The following CNNM3 variants were observed in gnomAD, a reference collection of about 807,000 sequenced individuals.
The protein encoded by CNNM3 is metal transporter CNNM3.
CNNM3 carries 47 observed loss-of-function variants against 57.1 expected under a neutral mutation model. The ratio of observed to expected loss-of-function variants is 0.82; its 90% CI spans 0.65 to 1.05. CNNM3 has a LOEUF of 1.05. Ranked by LOEUF, CNNM3 falls within the 50% of genes least tolerant of loss-of-function variation. The pLI, the probability that CNNM3 is intolerant of heterozygous loss-of-function variation, is 0.00. For missense variants in CNNM3, 957 were observed against 973.7 expected (o/e 0.98, Z 0.23); for synonymous variants, 507 against 478.2 (o/e 1.06, Z -0.79).
At chr2:96,836,842 AAG>A (rs1189911688), downstream of CNNM3, 1 of 152,180 alleles carries the variant, frequency 6.6e-6, no homozygotes, top group African/African-American at 2.4e-5. Flanking sequence ...TTTTTCCTAA[AAG>A]AAGTTTTATA....
intron 2 of CNNM3, among the ~76,000 whole-genome samples, chr2:96,825,999 TGC>T (rs1438893184): frequency 2.0e-5 from 3 of 148,296 alleles, no homozygotes; most frequent in African/African-American, 7.9e-5. Context: ...ACAGAGTCTG[TGC>T]GTCATGGCCG....
chr2:96,830,495 T>C (rs1319856157), intron 7 of CNNM3, among the ~76,000 whole-genome samples: 1 of 152,204 alleles, frequency 6.6e-6, no homozygotes, highest in Non-Finnish European at 1.5e-5. Context: ...AACATGTTTT[T>C]CTAATAGTCC....
At position 96,816,321 on chromosome 2, in the gene CNNM3, T is replaced by C; in HGVS notation, c.44T>C (p.Phe15Ser). 3 of 1,287,938 alleles carry C rather than the reference T, an allele frequency of 2.3e-6. No individual in the cohort carries two copies. The allele number at this position is 1,287,938 out of a possible 1,614,324, so 79.8% of individuals were successfully genotyped here. The change falls in exon 1 of 8, where the codon TTC becomes TCC. Residue 15 changes from phenylalanine (F) to serine (S), a missense_variant. Physicochemically the swap from Phe to Ser is radical, Grantham distance 155. This residue lies in a region of CNNM3 where 466 missense variants were observed against 403.1 expected (regional missense o/e 1.16). Transcript: ENST00000305510. ...VAAAGRLGWL[F>S]AALCLGNAAG... is the part of the protein sequence containing the mutation. Reference sequence around the variant, plus strand: ...GCGGCGGGTCGGTTAGGCTGGTTGTTCGCCGCGCTCTGCCTGGGCAACGCC... The same window carrying C: ...GCGGCGGGTCGGTTAGGCTGGTTGTCCGCCGCGCTCTGCCTGGGCAACGCC...
Position 96,833,985 on chromosome 2 carries a change from T to C in CNNM3, c.*1369T>C, listed in dbSNP as rs780278635. The C allele has an allele frequency of 2.6e-5, 4 of 151,974 alleles. No homozygotes were observed. The highest frequency in any genetic ancestry group is 6.5e-5 in the Admixed American group (1 of 15,270). The allele number at this position is 151,974 out of a possible 1,614,324, so 9.4% of individuals were successfully genotyped here. On this transcript the variant is annotated 3_prime_UTR_variant, in exon 8 of 8. Transcript: ENST00000305510. ...CAGGCTGGAGTGCAGTGGTGAGATC[T>C]TGGCTCACTGCAACCTCCACCTCCC...
Position 96,817,231 on chromosome 2 carries a change from C to T in CNNM3, c.954C>T (p.Leu318=). ...GCTGCCGGACCGTGGAGGACGTGCT[C>T]ACGCCCCTCGAAGACTGCTTCATGC... ...VLRCRTVEDV[L]TPLEDCFMLD... is the part of the protein sequence containing the mutation. Residue 318 remains leucine (L), a synonymous_variant, in exon 1 of 8, where the codon CTC becomes CTT. Coordinates refer to ENST00000305510, the MANE Select transcript of CNNM3 (RefSeq NM_017623.5). 2 of 1,604,930 alleles carry T rather than the reference C, an allele frequency of 1.2e-6. No homozygotes were observed. The highest frequency in any genetic ancestry group is 1.7e-6 in the Non-Finnish European group (2 of 1,177,542).
intron 7 of CNNM3, 38 bp downstream of exon 7, chr2:96,829,172 C>T (rs1187529641): frequency 6.2e-7 from 1 of 1,601,322 alleles, no homozygotes; most frequent in South Asian, 1.1e-5. Context: ...GGTGTCTGGA[C>T]CTGAGGGCCG....
chr2:96,834,332 TA>T lies in CNNM3; in HGVS notation c.*1717del, dbSNP rs1559017738. ...CAGAGTTTTCAATTTTTTATTTATT[TA>T]TTATTATTATTATTATTATTATTAT... On this transcript the variant is annotated 3_prime_UTR_variant, in exon 8 of 8. Transcript: ENST00000305510. Among the ~76,000 whole-genome samples the T allele has an allele frequency of 1.4e-4, 18 of 124,278 alleles. No homozygotes were observed. The highest frequency in any genetic ancestry group is 8.8e-4 in the African/African-American group (17 of 19,302). The allele number at this position is 124,278 out of a possible 152,430, so 81.5% of individuals were successfully genotyped here.
At chr2:96,828,268 C>T in intron 5 of CNNM3, 73 bp downstream of exon 5, 3 of 1,223,684 alleles carry the variant, frequency 2.5e-6, no homozygotes, top group Admixed American at 1.9e-5. Context: ...ATCACTTGGG[C>T]TCTCAGTGCC....
rs2079664344 is a variant in CNNM3 at position 96,834,806 on chromosome 2, C to T, written c.*2190C>T. On this transcript the variant is annotated 3_prime_UTR_variant, in exon 8 of 8. Coordinates refer to ENST00000305510, the MANE Select transcript of CNNM3 (RefSeq NM_017623.5). ...TCCCAATGTCCCTTTTCTGCTGCAG[C>T]AGCCAATCCAGGATGCCATACTGCA... Among the ~76,000 whole-genome samples the T allele has an allele frequency of 6.6e-6, 1 of 152,190 alleles. No homozygotes were observed. The highest frequency in any genetic ancestry group is 1.5e-5 in the Non-Finnish European group (1 of 68,032).
Position 96,835,041 on chromosome 2 carries a change from T to C in CNNM3, c.*2425T>C, listed in dbSNP as rs1188327316. Among the ~76,000 whole-genome samples, 2 of 152,218 alleles carry C rather than the reference T, an allele frequency of 1.3e-5. No homozygotes were observed. The highest frequency in any genetic ancestry group is 6.5e-5 in the Admixed American group (1 of 15,278). ...CCAAATCATTTGTCACATGTACATC[T>C]GTGTAACTACCACTGCAATCAGGAT... On this transcript the variant is annotated 3_prime_UTR_variant, in exon 8 of 8. Coordinates refer to ENST00000305510, the MANE Select transcript of CNNM3 (RefSeq NM_017623.5).
chr2:96,824,991 A>T (rs2079474115), intron 1 of CNNM3, 67 bp from the exon 2 acceptor site: 1 of 1,590,344 alleles, frequency 6.3e-7, no homozygotes, highest in South Asian at 1.1e-5. Context: ...GTGGGCCTAT[A>T]CCAGGGGAGA....
chr2:96,816,289 G>T lies in CNNM3; in HGVS notation c.12G>T (p.Ala4=). 1.5e-6 allele frequency: 2 copies of T among 1,303,550 alleles called. No homozygotes were observed. Among genetic ancestry groups the T allele is most frequent in the Non-Finnish European group, 1.9e-6 (2 of 1,027,968 alleles). The allele number at this position is 1,303,550 out of a possible 1,614,324, so 80.7% of individuals were successfully genotyped here. The stretch of plus-strand genomic sequence containing the variant: ...GGGGGCAGCAGGCGATGGCGGCGGC[G>T]GTAGCTGCGGCGGGTCGGTTAGGCT... The part of the protein sequence containing the change: MAA[A]VAAAGRLGWL... Residue 4 remains alanine, a synonymous_variant, in exon 1 of 8, where the codon GCG becomes GCT. Transcript: ENST00000305510.
At chr2:96,827,284 T>A (rs1430540125) in intron 3 of CNNM3, among the ~76,000 whole-genome samples, 1 of 150,128 alleles carries the variant, frequency 6.7e-6, no homozygotes, top group East Asian at 1.9e-4. Flanking sequence ...TTTTTTTTTT[T>A]AAAGATAGGG....
downstream of CNNM3, chr2:96,837,199 G>T (rs537818181): frequency 6.6e-6 from 1 of 152,230 alleles, no homozygotes; most frequent in Admixed American, 6.5e-5. Context: ...CTATAAATTT[G>T]TATATGAATT....
chr2:96,828,388 C>A, intron 5 of CNNM3, 179 bp from the exon 6 acceptor site: 1 of 880,850 alleles, frequency 1.1e-6, no homozygotes, highest in Non-Finnish European at 1.7e-6. Flanking sequence ...GTGGCCCACT[C>A]CACCCCTGCA....
chr2:96,817,027 G>C lies in CNNM3; in HGVS notation c.750G>C (p.Ala250=). The change falls in exon 1 of 8, where the codon GCG becomes GCC. Residue 250 remains alanine (A), a synonymous_variant. Coordinates refer to ENST00000305510, the MANE Select transcript of CNNM3 (RefSeq NM_017623.5). ...CCGTGAGCGGGCGCTGGACGCTGGC[G>C]CTGGCGCCGCGAGCGCTCGGCCTCA... ...PAAVSGRWTL[A]LAPRALGLSR... is the part of the protein sequence containing the mutation. 3 of 1,366,550 alleles carry C rather than the reference G, an allele frequency of 2.2e-6. No individual in the cohort carries two copies. Among genetic ancestry groups the C allele is most frequent in the Admixed American group, 3.0e-5 (1 of 32,928 alleles). 84.7% of individuals were successfully genotyped at this position (1,366,550 alleles called of 1,614,324 possible). A position where few individuals can be genotyped will look rare whatever the true frequency, so the allele number is the denominator to read the frequency against.
In CNNM3 at chr2:96,817,197, GCGTGCTGCGCTGCCGGACCGTGGAGGA is replaced by G; in HGVS notation, c.927_953del (p.Arg310_Leu318del). Reference sequence around the variant, plus strand: ...GACCCCTACAGCGATCTCAGCAAGGGCGTGCTGCGCTGCCGGACCGTGGAGGACGTGCTCACGCCCCTCGAAGACTGC... The same window carrying G: ...GACCCCTACAGCGATCTCAGCAAGGGCGTGCTCACGCCCCTCGAAGACTGC... On this transcript the variant is annotated inframe_deletion, in exon 1 of 8. Transcript: ENST00000305510. 1 of 1,586,334 alleles carries G rather than the reference GCGTGCTGCGCTGCCGGACCGTGGAGGA, an allele frequency of 6.3e-7. No individual in the cohort carries two copies. The highest frequency in any genetic ancestry group is 8.6e-7 in the Non-Finnish European group (1 of 1,169,438).
In CNNM3 at chr2:96,816,364, G is replaced by A. The variant is rs545201213; in HGVS notation, c.87G>A (p.Pro29=). Residue 29 remains proline, a synonymous_variant, in exon 1 of 8, where the codon CCG becomes CCA. Transcript: ENST00000305510. ...CLGNAAGEAA[P]GPRVLGFCLE... ...GCAACGCCGCGGGGGAGGCCGCGCC[G>A]GGCCCGCGAGTGCTGGGCTTCTGCC... 2.6e-4 allele frequency: 343 copies of A among 1,323,450 alleles called. No homozygotes were observed. Among genetic ancestry groups the A allele is most frequent in the South Asian group, 6.2e-4 (31 of 50,042 alleles). 82.0% of individuals were successfully genotyped at this position (1,323,450 alleles called of 1,614,324 possible). A position where few individuals can be genotyped will look rare whatever the true frequency, so the allele number is the denominator to read the frequency against.
At chr2:96,832,466 C>A in intron 7 of CNNM3, 86 bp from the exon 8 acceptor site, 1 of 1,595,168 alleles carries the variant, frequency 6.3e-7, no homozygotes, top group Non-Finnish European at 8.6e-7. Flanking sequence ...GCTGCCCCTT[C>A]CTGTCCCACA....
Sources: gnomAD v4.1 joint callset for allele counts (sites outside exome capture counted in the v4.1 genomes callset) on GRCh38, gnomAD v4.1.1 for gene constraint, gnomAD v4.1.1 regional missense constraint, MANE v1.5 for transcripts, NCBI Gene and HGNC (gene_info 2026-07-23, HGNC 2026-07-21) for gene names.